LMO7: variants seen among roughly 807,000 people sequenced by gnomAD.
The protein encoded by LMO7 is LIM domain only protein 7.
Under a neutral mutation model 206.5 loss-of-function variants are expected in LMO7, and 120 were observed. The observed-to-expected ratio is 0.58, with a 90% CI of 0.50 to 0.68. The LOEUF (loss-of-function observed/expected upper bound fraction) is 0.68. LMO7 is among the 30% of genes least tolerant of loss of function. The pLI, the probability that LMO7 is intolerant of heterozygous loss-of-function variation, is 0.00. For synonymous variants in LMO7, 706 were observed against 681.5 expected (o/e 1.04, Z -0.56); for missense variants, 1,959 against 1,957.9 (o/e 1.00, Z -0.01).
At chr13:75,649,106 G>T (rs1419872101) in intron 1 of LMO7, among the ~76,000 whole-genome samples, 1 of 152,234 alleles carries the variant, frequency 6.6e-6, no homozygotes, top group African/African-American at 2.4e-5. Context: ...GCAGGACAGT[G>T]AAGCTAGTAG....
At chr13:75,649,878 ATTGT>A (rs902838650) in intron 1 of LMO7, among the ~76,000 whole-genome samples, 3 of 152,178 alleles carry the variant, frequency 2.0e-5, no homozygotes, top group African/African-American at 4.8e-5. Context: ...TCCACTGAAG[ATTGT>A]TTGGGGAGGT....
chr13:75,710,472 A>C (rs374920805), intron 1 of LMO7, among the ~76,000 whole-genome samples: 48,574 of 151,218 alleles, frequency 0.32, 9,280 homozygotes, highest in Middle Eastern at 0.45. Context: ...CTTTTATTTC[A>C]TTGAGCAGTG....
In LMO7 at chr13:75,823,593, A is replaced by G; in HGVS notation, c.2669A>G (p.Asp890Gly). 2 of 1,613,530 alleles carry G rather than the reference A, an allele frequency of 1.2e-6. No homozygotes were observed. Among genetic ancestry groups the G allele is most frequent in the Non-Finnish European group, 1.7e-6 (2 of 1,179,466 alleles). The change falls in exon 15 of 31, where the codon GAT (aspartate) becomes GGT (glycine). Residue 890 changes from aspartate to glycine, a missense_variant. Physicochemically the swap from Asp to Gly is moderately conservative, Grantham distance 94. Coordinates refer to ENST00000377534, the MANE Select transcript of LMO7 (RefSeq NM_001306080.2). Reference protein sequence around the residue: ...TMDDAWKYNGDVEDIKRTPNN... With the variant: ...TMDDAWKYNGGVEDIKRTPNN... ...GATGATGCTTGGAAGTATAATGGAG[A>G]TGTTGAAGACATTAAGAGAACTCCA...
rs778989648 is a variant in LMO7, at chr13:75,713,219, G to A, written c.107G>A (p.Arg36Gln). 2.2e-5 allele frequency: 36 copies of A among 1,611,086 alleles called. No homozygotes were observed. Among genetic ancestry groups the A allele is most frequent in the East Asian group, 4.5e-5 (2 of 44,798 alleles). Residue 36 changes from arginine to glutamine, a missense_variant, in exon 2 of 31, where the codon CGA becomes CAA. Arg to Gln is a conservative substitution (Grantham distance 43). Coordinates refer to ENST00000377534, the MANE Select transcript of LMO7 (RefSeq NM_001306080.2). ...TEKNFETKDF[R>Q]ASLENGVLLC... ...AAGAATTTTGAAACAAAAGATTTTC[G>A]AGCCTCTCTAGAAAATGGTGTTCTG...
chr13:75,721,421 A>G (rs899700711), intron 2 of LMO7, among the ~76,000 whole-genome samples: 18 of 152,186 alleles, frequency 1.2e-4, no homozygotes, highest in Non-Finnish European at 4.4e-5. Context: ...TGCCTCTGGT[A>G]GCTGGACCGT....
In LMO7 at chr13:75,641,504, CAA is replaced by C. The variant is rs949348340; in HGVS notation, c.69+4779_69+4780del. On this transcript the variant is annotated intron_variant, in intron 1 of 30. Coordinates refer to ENST00000377534, the MANE Select transcript of LMO7 (RefSeq NM_001306080.2). The stretch of plus-strand genomic sequence containing the variant: ...AAGATACAGAATGCTTTTTATCACT[CAA>C]GAGAGTTCCTTCCAGAGAGCACATT... 2.8e-4 allele frequency among the ~76,000 whole-genome samples: 42 copies of C among 152,194 alleles called. 1 individual carries two copies. Among genetic ancestry groups the C allele is most frequent in the Non-Finnish European group, 8.8e-5 (6 of 68,034 alleles).
intron 1 of LMO7, among the ~76,000 whole-genome samples, chr13:75,678,812 GTTTGT>G (rs1320068535): frequency 2.0e-5 from 3 of 152,088 alleles, no homozygotes; most frequent in Admixed American, 6.6e-5. Context: ...CATGATTAAC[GTTTGT>G]TTTAAGAGTG....
chr13:75,667,340 T>C (rs2039159070), intron 1 of LMO7, among the ~76,000 whole-genome samples: 1 of 152,168 alleles, frequency 6.6e-6, no homozygotes, highest in South Asian at 2.1e-4. Context: ...GCTATTATTT[T>C]ATCAAATATT....
At chr13:75,856,319 C>A (rs2060940962) in intron 29 of LMO7, among the ~76,000 whole-genome samples, 187 bp from the exon 30 acceptor site, 1 of 152,090 alleles carries the variant, frequency 6.6e-6, no homozygotes, top group Admixed American at 6.5e-5. Context: ...TTTATGAATT[C>A]TTTAACATCT....
intron 11 of LMO7, among the ~76,000 whole-genome samples, chr13:75,816,190 C>T (rs2138170507): frequency 6.6e-6 from 1 of 152,304 alleles, no homozygotes; most frequent in Admixed American, 6.5e-5. Flanking sequence ...AGCAAACATG[C>T]TTTAAAAGAA....
intron 2 of LMO7, chr13:75,627,901 C>A (rs1002123515): frequency 6.6e-6 from 1 of 150,916 alleles, no homozygotes; most frequent in African/African-American, 2.4e-5. Flanking sequence ...TAAAAAAGGT[C>A]TTGGATTTAT....
intron 16 of LMO7, 86 bp from the exon 17 acceptor site, chr13:75,834,140 A>T: frequency 1.1e-6 from 1 of 945,526 alleles, no homozygotes; most frequent in Non-Finnish European, 1.5e-6. Flanking sequence ...TGAAATTCAG[A>T]GTCATTTTTC....
intron 26 of LMO7, among the ~76,000 whole-genome samples, chr13:75,845,872 T>G (rs1416435695): frequency 7.9e-5 from 12 of 152,256 alleles, no homozygotes; most frequent in Admixed American, 6.5e-5. Context: ...TAGCAGAAAT[T>G]ATGTAACTAT....
chr13:75,808,209 T>C lies in LMO7; in HGVS notation c.1916+10T>C. 1 of 1,590,816 alleles carries C rather than the reference T, an allele frequency of 6.3e-7. No individual in the cohort carries two copies. Among genetic ancestry groups the C allele is most frequent in the Non-Finnish European group, 8.6e-7 (1 of 1,168,024 alleles). ...GGCTGATGGTGGAGAGGTCAGAGTG[T>C]GTTTCTGCAAGGATTTTGCTTGTAA... On this transcript the variant is annotated intron_variant, in intron 10 of 30. Transcript: ENST00000377534.
At chr13:75,708,396 G>A (rs1352969880) in intron 1 of LMO7, among the ~76,000 whole-genome samples, 1 of 152,150 alleles carries the variant, frequency 6.6e-6, no homozygotes, top group Non-Finnish European at 1.5e-5. Flanking sequence ...CTGCTATCCG[G>A]TGTCTGCAGG....
At chr13:75,819,697 A>G (rs755743909) in intron 13 of LMO7, among the ~76,000 whole-genome samples, 162 bp downstream of exon 13, 3 of 152,238 alleles carry the variant, frequency 2.0e-5, no homozygotes, top group South Asian at 2.1e-4. Flanking sequence ...GTGAAAAAAC[A>G]AAGCATTGTT....
chr13:75,858,025 A>G lies in LMO7; in HGVS notation c.*82A>G, dbSNP rs1322844604. 1 of 1,540,758 alleles carries G rather than the reference A, an allele frequency of 6.5e-7. No homozygotes were observed. Among genetic ancestry groups the G allele is most frequent in the Non-Finnish European group, 8.8e-7 (1 of 1,136,880 alleles). ...ATGTAGATCTATAAATATGTGTTGT[A>G]TGTCTTTTTTGCTTTTTTTTTAAAA... On this transcript the variant is annotated 3_prime_UTR_variant, in exon 31 of 31. Transcript: ENST00000377534.
intron 14 of LMO7, among the ~76,000 whole-genome samples, chr13:75,822,227 AT>A (rs2057653117): frequency 6.6e-6 from 1 of 152,188 alleles, no homozygotes; most frequent in Non-Finnish European, 1.5e-5. Context: ...CAGTCCTAAG[AT>A]TAATGTTCAA....
intron 4 of LMO7, among the ~76,000 whole-genome samples, chr13:75,764,664 A>G (rs1037151588): frequency 1.1e-4 from 16 of 152,164 alleles, no homozygotes; most frequent in African/African-American, 3.9e-4. Context: ...TATTTAAACC[A>G]TTGCTCTATA....
Sources: gnomAD v4.1 joint callset for allele counts (sites outside exome capture counted in the v4.1 genomes callset) on GRCh38, gnomAD v4.1.1 for gene constraint, MANE v1.5 for transcripts, NCBI Gene and HGNC (gene_info 2026-07-23, HGNC 2026-07-21) for gene names.